ADARB1: variants seen among roughly 807,000 people sequenced by gnomAD.
ADARB1 encodes adenosine deaminase RNA specific B1, also known as double-stranded RNA-specific editase 1.
Under a neutral mutation model 52.4 loss-of-function variants are expected in ADARB1, and 10 were observed. The ratio of observed to expected loss-of-function variants is 0.19; its 90% CI spans 0.12 to 0.32. The LOEUF is 0.32. ADARB1 is among the 10% of genes least tolerant of loss of function. The probability of loss-of-function intolerance (pLI) is 1.00; values close to 1 mark genes in which losing one functional copy is unlikely to be tolerated. For synonymous variants in ADARB1, 349 were observed against 371.1 expected, an observed-to-expected ratio of 0.94 and a Z score of 0.68; for missense variants, 643 against 922.3, an observed-to-expected ratio of 0.70 and a Z score of 3.92.
At chr21:45,110,581 G>T (rs1426239392) in intron 1 of ADARB1, among the ~76,000 whole-genome samples, 1 of 152,134 alleles carries the variant, frequency 6.6e-6, no homozygotes, top group Non-Finnish European at 1.5e-5. Flanking sequence ...TCCTCACCTA[G>T]AACAGTTTGA....
chr21:45,145,947 T>C (rs1446541360), intron 2 of ADARB1: 2 of 152,264 alleles, frequency 1.3e-5, no homozygotes, highest in Non-Finnish European at 2.9e-5. Context: ...TTGCCAGTCA[T>C]GTTGACCACG....
intron 9 of ADARB1, among the ~76,000 whole-genome samples, chr21:45,217,824 C>G (rs1333556451): frequency 6.6e-6 from 1 of 152,166 alleles, no homozygotes; most frequent in Non-Finnish European, 1.5e-5. Context: ...TTTTGCTGTA[C>G]AAATATATTT....
chr21:45,122,807 C>T (rs1268945405), intron 1 of ADARB1, among the ~76,000 whole-genome samples: 24 of 152,202 alleles, frequency 1.6e-4, no homozygotes, highest in Admixed American at 1.6e-3. Context: ...CCTCCAACCA[C>T]GATCTCCTTG....
chr21:45,090,779 T>A (rs907202830), intron 1 of ADARB1, among the ~76,000 whole-genome samples: 82 of 152,218 alleles, frequency 5.4e-4, no homozygotes, highest in African/African-American at 1.8e-3. Context: ...TTGAATACCT[T>A]GTTTATTTTC....
Position 45,095,270 on chromosome 21 carries a change from C to T in ADARB1, c.-220+20477C>T, listed in dbSNP as rs113551470. Among the ~76,000 whole-genome samples the T allele has an allele frequency of 5.1e-3, 781 of 152,380 alleles. 12 individuals are homozygous for T. Among genetic ancestry groups the T allele is most frequent in the African/African-American group, 0.018 (735 of 41,592 alleles). Reference sequence around the variant, plus strand: ...CCTGCCCCCAGCCCAGGCTGCGCTCCCTGCTTGCTCTGCGTGTGATGCTCC... The same window carrying T: ...CCTGCCCCCAGCCCAGGCTGCGCTCTCTGCTTGCTCTGCGTGTGATGCTCC... On this transcript the variant is annotated intron_variant, in intron 1 of 10. Transcript: ENST00000348831.
rs1250141395 is a variant in ADARB1, at chr21:45,128,879, TTGAG to T, written c.-48+308_-48+311del. ...CTCTTTGGGGTCAGTTCACCATTTATTGAGTCAGTGCTTCATGCCGGGCACTAGA... is the reference window on the plus strand; with the variant it reads ...CTCTTTGGGGTCAGTTCACCATTTATTCAGTGCTTCATGCCGGGCACTAGA... On this transcript the variant is annotated intron_variant, in intron 2 of 10. Transcript: ENST00000348831. The surrounding 1 kb of genome is among the most constrained non-coding windows in gnomAD (Gnocchi z 4.6). Among the ~76,000 whole-genome samples, 1 of 152,194 alleles carries T rather than the reference TTGAG, an allele frequency of 6.6e-6. No homozygotes were observed. The highest frequency in any genetic ancestry group is 2.4e-5 in the African/African-American group (1 of 41,456).
chr21:45,148,714 G>T (rs1015379555), intron 2 of ADARB1, among the ~76,000 whole-genome samples: 2 of 152,152 alleles, frequency 1.3e-5, no homozygotes, highest in Non-Finnish European at 2.9e-5. Flanking sequence ...AGATGCATTC[G>T]CCAGCAGCTG....
intron 1 of ADARB1, among the ~76,000 whole-genome samples, chr21:45,075,072 C>T (rs889729525): frequency 1.3e-5 from 2 of 150,654 alleles, no homozygotes; most frequent in African/African-American, 4.9e-5. Context: ...GCGTGGGATG[C>T]GCCGCGCTGC....
At chr21:45,197,460 AC>A (rs2092450428) in intron 8 of ADARB1, among the ~76,000 whole-genome samples, 1 of 151,604 alleles carries the variant, frequency 6.6e-6, no homozygotes, top group Non-Finnish European at 1.5e-5. Context: ...AGATCACGCC[AC>A]TGCGCTCCAG....
At position 45,187,204 on chromosome 21, in the gene ADARB1, T is replaced by C; in HGVS notation, c.1565+2113T>C. ...TATCTTCATTTCTTTCAGCAGTGTT[T>C]TATAATTTTTATTTTACAAGCCATT... On this transcript the variant is annotated intron_variant, in intron 8 of 10. Coordinates refer to ENST00000348831, the MANE Select transcript of ADARB1 (RefSeq NM_001112.4). 1.3e-5 allele frequency among the ~76,000 whole-genome samples: 2 copies of C among 152,228 alleles called. 1 individual carries two copies. The highest frequency in any genetic ancestry group is 2.9e-5 in the Non-Finnish European group (2 of 68,036).
In ADARB1 at chr21:45,176,069, C is replaced by G. The variant is rs143261942; in HGVS notation, c.368C>G (p.Ser123Cys). ...GTGAATGGCCAGGTTTTTGAGGGCT[C>G]TGGTCCCACAAAGAAAAAGGCAAAA... is the stretch of plus-strand genomic sequence containing the variant. ...VEVNGQVFEGSGPTKKKAKLH... is the reference protein window; with the variant it reads ...VEVNGQVFEGCGPTKKKAKLH... The change falls in exon 4 of 11, where the codon TCT becomes TGT. Residue 123 changes from serine to cysteine, a missense_variant. This residue lies in a region of ADARB1 where 380 missense variants were observed against 446.5 expected (regional missense o/e 0.85). Coordinates refer to ENST00000348831, the MANE Select transcript of ADARB1 (RefSeq NM_001112.4). The surrounding 1 kb of genome is among the most constrained non-coding windows in gnomAD (Gnocchi z 5.8). 1 of 1,614,092 alleles carries G rather than the reference C, an allele frequency of 6.2e-7. No individual in the cohort carries two copies. Among genetic ancestry groups the G allele is most frequent in the Non-Finnish European group, 8.5e-7 (1 of 1,180,022 alleles).
chr21:45,158,955 G>T (rs895839456), intron 2 of ADARB1, among the ~76,000 whole-genome samples: 4 of 152,050 alleles, frequency 2.6e-5, no homozygotes, highest in African/African-American at 7.2e-5. Flanking sequence ...ATAGAGTAAG[G>T]CATATTCGTG....
At chr21:45,109,434 T>C (rs2087432412) in intron 1 of ADARB1, among the ~76,000 whole-genome samples, 1 of 152,226 alleles carries the variant, frequency 6.6e-6, no homozygotes. Context: ...TGTAGGCTGT[T>C]TTTCTGTGAC....
rs1159684169 is a variant in ADARB1, at chr21:45,074,793, G to A, written c.-220G>A. 2 of 147,450 alleles carry A rather than the reference G, an allele frequency of 1.4e-5. No individual in the cohort carries two copies. Among genetic ancestry groups the A allele is most frequent in the Non-Finnish European group, 3.0e-5 (2 of 66,026 alleles). 9.1% of individuals were successfully genotyped at this position (147,450 alleles called of 1,614,324 possible). ...CCAGGCGCGGCGCGGCTGCGGCTGA[G>A]GTGAGGGCGGCGCGGGGCCGCGGCG... is the stretch of plus-strand genomic sequence containing the variant. On this transcript the variant is annotated splice_region_variant and 5_prime_UTR_variant, in exon 1 of 11. Transcript: ENST00000348831.
Position 45,221,877 on chromosome 21 carries a change from T to C in ADARB1, c.1927-141T>C. ...CTTGTTCTGTGTGAAGCCGTTCCCT[T>C]GGCAGAAGGCGCCTTCCTCTGGGTT... is the stretch of plus-strand genomic sequence containing the variant. On this transcript the variant is annotated intron_variant, in intron 10 of 10. Coordinates refer to ENST00000348831, the MANE Select transcript of ADARB1 (RefSeq NM_001112.4). This position sits in a 1 kb window ranked among gnomAD's most constrained non-coding sequence, Gnocchi z 4.9. 2 of 856,326 alleles carry C rather than the reference T, an allele frequency of 2.3e-6. No homozygotes were observed. The highest frequency in any genetic ancestry group is 1.8e-6 in the Non-Finnish European group (1 of 555,724). The allele number at this position is 856,326 out of a possible 1,614,324, so 53.0% of individuals were successfully genotyped here. A position where few individuals can be genotyped will look rare whatever the true frequency, so the allele number is the denominator to read the frequency against.
intron 1 of ADARB1, chr21:45,100,691 G>C (rs745522518): frequency 6.6e-6 from 1 of 152,444 alleles, no homozygotes; most frequent in Non-Finnish European, 1.5e-5. Context: ...GTGGGATTCA[G>C]TTTTCTGGAC....
intron 3 of ADARB1, among the ~76,000 whole-genome samples, chr21:45,175,488 G>A (rs1404231382): frequency 1.3e-5 from 2 of 152,154 alleles, no homozygotes; most frequent in Non-Finnish European, 2.9e-5. Flanking sequence ...TAAAGCAAAA[G>A]CAGTTGGTGA....
chr21:45,169,441 T>G (rs927614985), intron 2 of ADARB1, among the ~76,000 whole-genome samples: 2 of 152,204 alleles, frequency 1.3e-5, no homozygotes, highest in Admixed American at 6.5e-5. Flanking sequence ...TTTGTGTGTT[T>G]TGTTTCTGCC....
chr21:45,096,907 T>A (rs1406642007), intron 1 of ADARB1, among the ~76,000 whole-genome samples: 1 of 151,856 alleles, frequency 6.6e-6, no homozygotes. Context: ...GCCCGGCTAA[T>A]TTTTTGTATT....
Sources: gnomAD v4.1 joint callset for allele counts (sites outside exome capture counted in the v4.1 genomes callset) on GRCh38, gnomAD v4.1.1 for gene constraint, gnomAD v4.1.1 regional missense constraint, Gnocchi (gnomAD v3.1) non-coding constraint, MANE v1.5 for transcripts, NCBI Gene and HGNC (gene_info 2026-07-23, HGNC 2026-07-21) for gene names.